The following SMARCAL1 variants were observed in gnomAD, a reference collection of about 807,000 sequenced individuals.
SMARCAL1 encodes the protein SNF2 related chromatin remodeling annealing helicase 1.
In SMARCAL1, 58 loss-of-function variants were observed where a neutral mutation model predicts 94.5. That is an observed-to-expected ratio of 0.61 (90% CI 0.50 to 0.76). SMARCAL1 has a LOEUF of 0.76. Ranked by LOEUF, SMARCAL1 falls within the 30% of genes least tolerant of loss-of-function variation. The probability of loss-of-function intolerance (pLI) is 0.00; values close to 1 mark genes in which losing one functional copy is unlikely to be tolerated. For synonymous variants in SMARCAL1, 422 were observed against 455.1 expected (o/e 0.93, Z 0.93); for missense variants, 1,051 against 1,177.9 (o/e 0.89, Z 1.58).
At chr2:216,478,987 T>C (rs753553) in intron 17 of SMARCAL1, 62,498 of 152,954 alleles carry the variant, frequency 0.41, 13,487 homozygotes, top group African/African-American at 0.57. Flanking sequence ...CCTGCCTGGT[T>C]TCAGTGCTGC....
intron 12 of SMARCAL1, among the ~76,000 whole-genome samples, chr2:216,452,128 A>C (rs1208224181): frequency 2.0e-5 from 3 of 152,236 alleles, no homozygotes; most frequent in African/African-American, 7.2e-5. Context: ...GTCTGGAGTA[A>C]GTGAGCAGGC....
intron 4 of SMARCAL1, among the ~76,000 whole-genome samples, chr2:216,418,207 CTG>C (rs1693646185): frequency 6.6e-6 from 1 of 152,212 alleles, no homozygotes; most frequent in Non-Finnish European, 1.5e-5. Context: ...ATGTGAGACA[CTG>C]TGCCCGACTA....
chr2:216,467,470 CAAAAAA>C (rs34678979), intron 13 of SMARCAL1, among the ~76,000 whole-genome samples: 1 of 47,834 alleles, frequency 2.1e-5, no homozygotes, highest in African/African-American at 6.2e-5. Context: ...AACTCAGTCT[CAAAAAA>C]AAAAAAAAAA....
intron 8 of SMARCAL1, among the ~76,000 whole-genome samples, chr2:216,434,353 G>C: frequency 6.6e-6 from 1 of 152,142 alleles, no homozygotes. Context: ...TAGATTTGTA[G>C]AAATATCGAC....
At chr2:216,459,462 G>A (rs556099729) in intron 12 of SMARCAL1, among the ~76,000 whole-genome samples, 2 of 152,260 alleles carry the variant, frequency 1.3e-5, no homozygotes, top group South Asian at 4.1e-4. Flanking sequence ...AACCAAAACA[G>A]CATGGTACTG....
intron 13 of SMARCAL1, among the ~76,000 whole-genome samples, chr2:216,467,325 G>A (rs891472470): frequency 6.6e-6 from 1 of 152,040 alleles, no homozygotes; most frequent in Non-Finnish European, 1.5e-5. Flanking sequence ...ACAAAAATTA[G>A]CTGGGCGTTG....
At chr2:216,432,128 T>A (rs1411366609) in intron 7 of SMARCAL1, among the ~76,000 whole-genome samples, 2 of 152,060 alleles carry the variant, frequency 1.3e-5, no homozygotes, top group East Asian at 3.9e-4. Flanking sequence ...TTCAAGCGAT[T>A]CTCCTGCCTC....
chr2:216,470,533 A>C, intron 14 of SMARCAL1, among the ~76,000 whole-genome samples: 1 of 150,408 alleles, frequency 6.6e-6, no homozygotes. Flanking sequence ...TATCTCCCAC[A>C]CTGGAGTTCA....
chr2:216,481,325 C>T (rs961109898), intron 17 of SMARCAL1, among the ~76,000 whole-genome samples: 4 of 151,008 alleles, frequency 2.6e-5, no homozygotes, highest in African/African-American at 9.8e-5. Flanking sequence ...TCCCGAGTAG[C>T]TGGAACTACA....
chr2:216,463,327 T>A (rs1417828118), intron 12 of SMARCAL1, among the ~76,000 whole-genome samples: 1 of 152,184 alleles, frequency 6.6e-6, no homozygotes, highest in African/African-American at 2.4e-5. Flanking sequence ...AATGTATTGC[T>A]CATGGTTTTA....
At position 216,475,311 on chromosome 2, in the gene SMARCAL1, G is replaced by A. The variant is rs750418839; in HGVS notation, c.2287G>A (p.Glu763Lys). 6.2e-7 allele frequency: 1 copy of A among 1,614,222 alleles called. No individual in the cohort carries two copies. Among genetic ancestry groups the A allele is most frequent in the South Asian group, 1.1e-5 (1 of 91,080 alleles). ...IRIDGSTSSAEREDLCQQFQL... is the reference protein window; with the variant it reads ...IRIDGSTSSAKREDLCQQFQL... ...CATCGATGGCTCCACCTCATCAGCT[G>A]AGCGGGAGGACCTGTGCCAGCAGTT... Residue 763 changes from glutamate (E) to lysine (K), a missense_variant, in exon 15 of 18, where the codon GAG becomes AAG. This residue lies in a region of SMARCAL1 where 642 missense variants were observed against 754.7 expected (regional missense o/e 0.85). Coordinates refer to ENST00000357276, the MANE Select transcript of SMARCAL1 (RefSeq NM_014140.4). This position sits in a 1 kb window ranked among gnomAD's most constrained non-coding sequence, Gnocchi z 4.4.
At chr2:216,467,884 A>G in intron 13 of SMARCAL1, 60 bp from the exon 14 acceptor site, 1 of 1,017,996 alleles carries the variant, frequency 9.8e-7, no homozygotes, top group Non-Finnish European at 1.6e-6. Flanking sequence ...AACATACCAG[A>G]GACACATAAA....
intron 12 of SMARCAL1, among the ~76,000 whole-genome samples, chr2:216,462,836 A>T (rs12694389): frequency 0.25 from 37,368 of 151,762 alleles, 5,727 homozygotes; most frequent in Non-Finnish European, 0.32. Flanking sequence ...AAATAAAAAA[A>T]AAAAAAAAGC....
At chr2:216,424,641 G>T (rs1385090434) in intron 6 of SMARCAL1, among the ~76,000 whole-genome samples, 1 of 151,998 alleles carries the variant, frequency 6.6e-6, no homozygotes, top group Non-Finnish European at 1.5e-5. Flanking sequence ...TGTGACATTG[G>T]GTAAATAATT....
At chr2:216,437,784 A>G (rs1198331463) in intron 9 of SMARCAL1, among the ~76,000 whole-genome samples, 1 of 149,240 alleles carries the variant, frequency 6.7e-6, no homozygotes, top group South Asian at 2.2e-4. Flanking sequence ...AGAAAAACAA[A>G]CTATATATAT....
At chr2:216,437,815 A>C (rs1211178466) in intron 9 of SMARCAL1, among the ~76,000 whole-genome samples, 1 of 152,250 alleles carries the variant, frequency 6.6e-6, no homozygotes, top group African/African-American at 2.4e-5. Context: ...GTATTTGCTT[A>C]TGCACAGATA....
At chr2:216,467,612 C>T (rs1444989916) in intron 13 of SMARCAL1, among the ~76,000 whole-genome samples, 3 of 151,848 alleles carry the variant, frequency 2.0e-5, no homozygotes, top group African/African-American at 7.3e-5. Context: ...ACTGACTTAA[C>T]TACTGGCCCT....
chr2:216,433,593 G>C (rs560995882), intron 8 of SMARCAL1, among the ~76,000 whole-genome samples: 3 of 152,272 alleles, frequency 2.0e-5, no homozygotes, highest in African/African-American at 2.4e-5. Flanking sequence ...ACTCTGTAGA[G>C]GGGGGAGTGA....
At position 216,432,812 on chromosome 2, in the gene SMARCAL1, A is replaced by T; in HGVS notation, c.1429A>T (p.Lys477Ter). 6.2e-7 allele frequency: 1 copy of T among 1,614,138 alleles called. No individual in the cohort carries two copies. Among genetic ancestry groups the T allele is most frequent in the Non-Finnish European group, 8.5e-7 (1 of 1,180,030 alleles). ...CATCTGCATCGCAGCCTTTTACCGG[A>T]AGGAGTGGCCGCTCCTGGTGGTGGT... is the stretch of plus-strand genomic sequence containing the variant. Reference protein sequence around the residue: ...QAICIAAFYRKEWPLLVVVPS... With the variant: ...QAICIAAFYR The change falls in exon 8 of 18, where the codon AAG (lysine) becomes TAG (stop). Residue 477 changes from lysine to a stop codon, truncating the protein, a stop_gained. Coordinates refer to ENST00000357276, the MANE Select transcript of SMARCAL1 (RefSeq NM_014140.4). LOFTEE classifies it high-confidence loss of function.
Sources: allele counts gnomAD v4.1 joint callset (sites outside exome capture counted in the v4.1 genomes callset), GRCh38; gene constraint gnomAD v4.1.1; regional missense constraint gnomAD v4.1.1; non-coding constraint Gnocchi (gnomAD v3.1); transcripts MANE v1.5; gene names NCBI Gene and HGNC (gene_info 2026-07-23, HGNC 2026-07-21).